Variants in PLCB1 observed in about 807,000 individuals in gnomAD.
PLCB1 encodes 1-phosphatidylinositol 4,5-bisphosphate phosphodiesterase beta-1.
PLCB1 carries 46 observed loss-of-function variants against 161.8 expected under a neutral mutation model. The ratio of observed to expected loss-of-function variants is 0.28; its 90% CI spans 0.22 to 0.36. The LOEUF is 0.36. Ranked by LOEUF, PLCB1 falls within the 10% of genes least tolerant of loss-of-function variation. PLCB1 has a pLI of 1.00. For synonymous variants in PLCB1, 517 were observed against 503.7 expected, an observed-to-expected ratio of 1.03 and a Z score of -0.35; for missense variants, 1,016 against 1,472.5, an observed-to-expected ratio of 0.69 and a Z score of 5.07.
intron 31 of PLCB1, chr20:8,802,131 A>C (rs1367032955): frequency 6.2e-7 from 1 of 1,611,350 alleles, no homozygotes; most frequent in African/African-American, 1.3e-5. Flanking sequence ...TACTCCCCCC[A>C]ACCCTCAAGC....
intron 14 of PLCB1, among the ~76,000 whole-genome samples, chr20:8,720,761 C>T (rs1003384152): frequency 5.3e-5 from 8 of 151,920 alleles, no homozygotes; most frequent in South Asian, 4.1e-4. Context: ...GAAATGACTG[C>T]GAATTGTTGG....
At chr20:8,231,379 G>A (rs965667144) in intron 2 of PLCB1, among the ~76,000 whole-genome samples, 5 of 152,156 alleles carry the variant, frequency 3.3e-5, no homozygotes, top group Non-Finnish European at 7.4e-5. Flanking sequence ...GTGACCATCA[G>A]AAATATATCT....
chr20:8,351,461 T>G (rs1429848067), intron 2 of PLCB1, among the ~76,000 whole-genome samples: 5 of 152,172 alleles, frequency 3.3e-5, no homozygotes, highest in Non-Finnish European at 7.4e-5. Context: ...ACCAAAAGCA[T>G]AATCCATGAA....
intron 23 of PLCB1, among the ~76,000 whole-genome samples, chr20:8,746,833 C>T (rs1981196619): frequency 6.6e-6 from 1 of 152,192 alleles, no homozygotes; most frequent in Admixed American, 6.5e-5. Context: ...AACTCATGTT[C>T]CACATCAGCA....
intron 31 of PLCB1, chr20:8,792,482 T>C: frequency 2.1e-6 from 1 of 466,780 alleles, no homozygotes; most frequent in Non-Finnish European, 4.4e-6. Context: ...CAGCCATGTT[T>C]ATAACAATTT....
chr20:8,498,586 G>A (rs768287918), intron 3 of PLCB1, among the ~76,000 whole-genome samples: 3 of 152,118 alleles, frequency 2.0e-5, no homozygotes, highest in South Asian at 2.1e-4. Context: ...GGGAACATCC[G>A]GAAATAAGAT....
chr20:8,557,335 T>C (rs1985997471), intron 3 of PLCB1, among the ~76,000 whole-genome samples: 1 of 152,042 alleles, frequency 6.6e-6, no homozygotes, highest in African/African-American at 2.4e-5. Context: ...CAAAATGTGG[T>C]ATATACTTAC....
At chr20:8,821,503 A>G (rs1326626517) in intron 31 of PLCB1, among the ~76,000 whole-genome samples, 19 of 1,250 alleles carry the variant, frequency 0.015, no homozygotes, top group African/African-American at 0.053. Flanking sequence ...AAAAATATGT[A>G]TATATATATA....
chr20:8,278,254 T>A (rs1982675066), intron 2 of PLCB1, among the ~76,000 whole-genome samples: 2 of 144,854 alleles, frequency 1.4e-5, no homozygotes, highest in African/African-American at 5.0e-5. Context: ...AAAGAAACAA[T>A]CATATATATA....
At chr20:8,383,211 G>T (rs1987317562) in intron 3 of PLCB1, among the ~76,000 whole-genome samples, 1 of 152,144 alleles carries the variant, frequency 6.6e-6, no homozygotes, top group African/African-American at 2.4e-5. Context: ...TTATGAACCT[G>T]GATGCTCCTG....
intron 11 of PLCB1, among the ~76,000 whole-genome samples, chr20:8,701,940 A>G (rs1317201274): frequency 1.3e-5 from 2 of 152,332 alleles, no homozygotes; most frequent in East Asian, 3.9e-4. Flanking sequence ...TATTCACAGT[A>G]TAATTAGACT....
At chr20:8,242,645 G>A (rs747936780) in intron 2 of PLCB1, among the ~76,000 whole-genome samples, 3 of 151,926 alleles carry the variant, frequency 2.0e-5, no homozygotes, top group African/African-American at 4.8e-5. Context: ...TACATTAGTC[G>A]ACTTAGAGAG....
At chr20:8,574,079 G>A (rs915697514) in intron 3 of PLCB1, among the ~76,000 whole-genome samples, 1 of 152,150 alleles carries the variant, frequency 6.6e-6, no homozygotes, top group Non-Finnish European at 1.5e-5. Context: ...AAAAGAGAAG[G>A]AATCAAGGCC....
chr20:8,761,152 C>A (rs1246595088), intron 25 of PLCB1, among the ~76,000 whole-genome samples: 3 of 152,182 alleles, frequency 2.0e-5, no homozygotes, highest in South Asian at 2.1e-4. Context: ...ACTCAAGTCA[C>A]ACACAACATG....
intron 3 of PLCB1, among the ~76,000 whole-genome samples, chr20:8,471,196 G>A (rs1982037567): frequency 6.6e-6 from 1 of 152,096 alleles, no homozygotes; most frequent in South Asian, 2.1e-4. Flanking sequence ...GGGGTCTGTG[G>A]CTTAATAAGT....
At chr20:8,167,022 C>G (rs768375424) in intron 2 of PLCB1, among the ~76,000 whole-genome samples, 7 of 152,164 alleles carry the variant, frequency 4.6e-5, no homozygotes, top group Non-Finnish European at 8.8e-5. Context: ...GTGTTTAAGA[C>G]CTGGCTCTCT....
chr20:8,162,466 C>T (rs2051636193), intron 2 of PLCB1, among the ~76,000 whole-genome samples: 1 of 152,214 alleles, frequency 6.6e-6, no homozygotes, highest in Non-Finnish European at 1.5e-5. Context: ...GAGACATACA[C>T]TCAACTGGGC....
At chr20:8,527,872 T>A (rs565920942) in intron 3 of PLCB1, among the ~76,000 whole-genome samples, 2 of 152,090 alleles carry the variant, frequency 1.3e-5, no homozygotes, top group Non-Finnish European at 2.9e-5. Context: ...GTCATAACAG[T>A]GCTCAGTAAT....
chr20:8,227,181 C>T (rs535656229), intron 2 of PLCB1, among the ~76,000 whole-genome samples: 2 of 152,132 alleles, frequency 1.3e-5, no homozygotes, highest in African/African-American at 4.8e-5. Flanking sequence ...TAGTTTGGAC[C>T]AGCCACATTG....
Sources: gnomAD v4.1 joint callset for allele counts (sites outside exome capture counted in the v4.1 genomes callset) on GRCh38, gnomAD v4.1.1 for gene constraint, MANE v1.5 for transcripts, NCBI Gene and HGNC (gene_info 2026-07-23, HGNC 2026-07-21) for gene names.